The following QRFPR variants were observed in gnomAD, a reference collection of about 807,000 sequenced individuals.
The protein encoded by QRFPR is pyroglutamylated RF-amide peptide receptor.
A neutral mutation model predicts 31.3 loss-of-function variants in QRFPR; 37 were observed. The ratio of observed to expected loss-of-function variants is 1.18; its 90% CI spans 0.91 to 1.56. The LOEUF (loss-of-function observed/expected upper bound fraction) is 1.56, where lower values mean the gene tolerates loss of function less well. Ranked by LOEUF, QRFPR falls within the 40% of genes most tolerant of loss-of-function variation. The pLI is 0.00. For missense variants in QRFPR, 542 were observed against 532.5 expected (o/e 1.02, Z -0.18); for synonymous variants, 197 against 192.0 (o/e 1.03, Z -0.22).
At chr4:121,351,874 G>A (rs892839202) in intron 1 of QRFPR, among the ~76,000 whole-genome samples, 1 of 150,696 alleles carries the variant, frequency 6.6e-6, no homozygotes, top group Non-Finnish European at 1.5e-5. Context: ...TAAATAAATT[G>A]GGGTATGCCA....
chr4:121,333,373 G>A (rs553829593), intron 3 of QRFPR, among the ~76,000 whole-genome samples: 70 of 152,136 alleles, frequency 4.6e-4, no homozygotes, highest in Non-Finnish European at 8.5e-4. Context: ...GACTGAAAGA[G>A]CACTATATTT....
At chr4:121,370,238 G>T (rs528655031) in intron 1 of QRFPR, 13 of 779,934 alleles carry the variant, frequency 1.7e-5, no homozygotes, top group Non-Finnish European at 2.6e-5. Context: ...GGTCCTTGAG[G>T]GTATCATCAT....
intron 4 of QRFPR, among the ~76,000 whole-genome samples, chr4:121,331,949 G>A (rs1366780368): frequency 6.6e-6 from 1 of 152,104 alleles, no homozygotes; most frequent in African/African-American, 2.4e-5. Flanking sequence ...CGCTGCACCT[G>A]GTCCATTATC....
rs532610827 is a variant in QRFPR at position 121,375,820 on chromosome 4, A to C, written c.340+4488T>G. Among the ~76,000 whole-genome samples, 6 of 152,322 alleles carry C rather than the reference A, an allele frequency of 3.9e-5. No homozygotes were observed. The South Asian group carries it at 1.0e-3, about 26-fold the overall frequency. ...CAGAGATAGGGACATAAAGGAAACA[A>C]AGAGGCAAAAAAAGACTAGTTCATG... On this transcript the variant is annotated intron_variant, in intron 1 of 5. Transcript: ENST00000394427.
intron 2 of QRFPR, among the ~76,000 whole-genome samples, chr4:121,339,153 C>T (rs531202040): frequency 6.6e-6 from 1 of 152,260 alleles, no homozygotes; most frequent in East Asian, 1.9e-4. Context: ...TTCCACAGCC[C>T]AATACTGGCT....
At chr4:121,361,136 G>A (rs1725982569) in intron 1 of QRFPR, among the ~76,000 whole-genome samples, 1 of 133,410 alleles carries the variant, frequency 7.5e-6, no homozygotes. Context: ...ACGAGAAAAA[G>A]CACTCAATTT....
At chr4:121,363,370 AC>A (rs1304746953) in intron 1 of QRFPR, among the ~76,000 whole-genome samples, 4 of 149,190 alleles carry the variant, frequency 2.7e-5, no homozygotes, top group Non-Finnish European at 5.9e-5. Flanking sequence ...AAACTATATA[AC>A]CCTTCACATG....
At chr4:121,380,198 A>AGAGG in intron 1 of QRFPR, 110 bp downstream of exon 1, 1 of 137,822 alleles carries the variant, frequency 7.3e-6, no homozygotes, top group South Asian at 8.8e-5. Context: ...AGAGAGAGAG[A>AGAGG]GAGAGAGAGA....
chr4:121,378,645 G>A (rs1242695289), intron 1 of QRFPR, among the ~76,000 whole-genome samples: 2 of 151,908 alleles, frequency 1.3e-5, no homozygotes, highest in Non-Finnish European at 2.9e-5. Context: ...GAATGGTCTC[G>A]ATCTCATGAC....
intron 1 of QRFPR, among the ~76,000 whole-genome samples, chr4:121,343,128 C>A (rs1432255774): frequency 6.6e-6 from 1 of 152,204 alleles, no homozygotes; most frequent in Admixed American, 6.5e-5. Flanking sequence ...AAGGCAGAAA[C>A]TGTGGGACTG....
chr4:121,364,591 G>C (rs987010212), intron 1 of QRFPR, among the ~76,000 whole-genome samples: 1 of 148,060 alleles, frequency 6.8e-6, no homozygotes, highest in African/African-American at 2.5e-5. Context: ...TGTGAGCCGA[G>C]ATTGCGCCAC....
At position 121,351,010 on chromosome 4, in the gene QRFPR, T is replaced by G. The variant is rs779665828; in HGVS notation, c.341-10400A>C. Among the ~76,000 whole-genome samples the G allele has an allele frequency of 2.0e-5, 3 of 152,212 alleles. No homozygotes were observed. The East Asian group carries it at 5.8e-4, about 29-fold the overall frequency. On this transcript the variant is annotated intron_variant, in intron 1 of 5. Coordinates refer to ENST00000394427, the MANE Select transcript of QRFPR (RefSeq NM_198179.3). ...ATTCTTGGGCTTAATACCTAGGTGATGGGTTGATCTGTGCAGCAAAACACC... is the reference window on the plus strand; with the variant it reads ...ATTCTTGGGCTTAATACCTAGGTGAGGGGTTGATCTGTGCAGCAAAACACC...
chr4:121,361,006 G>A (rs68079620), intron 1 of QRFPR, among the ~76,000 whole-genome samples: 10,590 of 152,186 alleles, frequency 0.07, 450 homozygotes, highest in East Asian at 0.11. Flanking sequence ...AGTTAAATGA[G>A]CAAGTGAATG....
chr4:121,349,111 GTAAAATAAAA>G (rs111688711), intron 1 of QRFPR, among the ~76,000 whole-genome samples: 1 of 151,006 alleles, frequency 6.6e-6, no homozygotes, highest in African/African-American at 2.4e-5. Flanking sequence ...AAAAAATAAA[GTAAAATAAAA>G]TAAAATAAAA....
At chr4:121,350,430 C>A (rs1377740350) in intron 1 of QRFPR, among the ~76,000 whole-genome samples, 1 of 152,164 alleles carries the variant, frequency 6.6e-6, no homozygotes, top group Non-Finnish European at 1.5e-5. Context: ...GATTGACATT[C>A]TGAACAAGTT....
chr4:121,349,017 A>G lies in QRFPR; in HGVS notation c.341-8407T>C, dbSNP rs191222948. 8.4e-3 allele frequency among the ~76,000 whole-genome samples: 1,274 copies of G among 152,246 alleles called. 11 individuals are homozygous for G. Among genetic ancestry groups the G allele is most frequent in the Non-Finnish European group, 0.014 (931 of 68,018 alleles). Reference sequence around the variant, plus strand: ...GAGGCTGAGGCAGGAGAATGGCGTGAACCCGGGAGGCAGAGGTTGCAGTGA... The same window carrying G: ...GAGGCTGAGGCAGGAGAATGGCGTGGACCCGGGAGGCAGAGGTTGCAGTGA... On this transcript the variant is annotated intron_variant, in intron 1 of 5. Transcript: ENST00000394427.
chr4:121,334,587 C>G, intron 3 of QRFPR: 1 of 351,368 alleles, frequency 2.8e-6, no homozygotes, highest in Non-Finnish European at 5.8e-6. Flanking sequence ...GTGCTCTTCT[C>G]TCTCTTAAAT....
intron 1 of QRFPR, among the ~76,000 whole-genome samples, chr4:121,376,470 C>G (rs1347399223): frequency 1.3e-5 from 2 of 151,934 alleles, no homozygotes; most frequent in African/African-American, 4.8e-5. Context: ...ATGGTCCCAG[C>G]AGTGTACAAA....
At chr4:121,330,716 A>G (rs1725305636) in intron 4 of QRFPR, among the ~76,000 whole-genome samples, 193 bp from the exon 5 acceptor site, 1 of 152,182 alleles carries the variant, frequency 6.6e-6, no homozygotes, top group Non-Finnish European at 1.5e-5. Context: ...TGTTCTTTGA[A>G]TGTCTGCTCA....
Sources: allele counts gnomAD v4.1 joint callset (sites outside exome capture counted in the v4.1 genomes callset), GRCh38; gene constraint gnomAD v4.1.1; transcripts MANE v1.5; gene names NCBI Gene and HGNC (gene_info 2026-07-23, HGNC 2026-07-21).